Variants in USP4 observed in about 807,000 individuals in gnomAD.
USP4 encodes ubiquitin specific peptidase 4, also known as ubiquitin carboxyl-terminal hydrolase 4.
USP4 carries 72 observed loss-of-function variants against 118.2 expected under a neutral mutation model. The observed-to-expected ratio is 0.61, with a 90% CI of 0.50 to 0.74. USP4 has a LOEUF of 0.74. Among genes scored for constraint, USP4 ranks in the 30% least tolerant of loss-of-function variants. The pLI is 0.00. For synonymous variants in USP4, 415 were observed against 440.4 expected, an observed-to-expected ratio of 0.94 and a Z score of 0.72; for missense variants, 1,037 against 1,185.7, an observed-to-expected ratio of 0.87 and a Z score of 1.84.
chr3:49,292,596 C>A lies in USP4; in HGVS notation c.1886G>T (p.Arg629Leu), dbSNP rs771051592. The change falls in exon 15 of 22, where the codon CGC (arginine) becomes CTC (leucine). Residue 629 changes from arginine (R) to leucine (L), a missense_variant and splice_region_variant. Arg to Leu is a moderately radical substitution (Grantham distance 102). Transcript: ENST00000265560. Reference protein sequence around the residue: ...LYQAVCDRISRYVKQPLPDEF... With the variant: ...LYQAVCDRISLYVKQPLPDEF... Reference sequence around the variant, plus strand: ...ATCAGGTAAAGGCTGTTTCACATAGCGGCTTCAAAAAGAGAAAAAGAGAAG... The same window carrying A: ...ATCAGGTAAAGGCTGTTTCACATAGAGGCTTCAAAAAGAGAAAAAGAGAAG... 1.9e-6 allele frequency: 3 copies of A among 1,575,640 alleles called. No individual in the cohort carries two copies. In the South Asian group the frequency reaches 3.5e-5, roughly 19 times the overall value.
At chr3:49,287,088 A>T (rs1449909833) in intron 15 of USP4, among the ~76,000 whole-genome samples, 1 of 151,998 alleles carries the variant, frequency 6.6e-6, no homozygotes, top group Non-Finnish European at 1.5e-5. Context: ...CTGACCTCAG[A>T]TGATCCACCG....
chr3:49,292,554 G>A lies in USP4; in HGVS notation c.1928C>T (p.Pro643Leu), dbSNP rs375163038. The A allele has an allele frequency of 2.6e-5, 42 of 1,601,266 alleles. No homozygotes were observed. The African/African-American group carries it at 4.3e-4, about 16-fold the overall frequency. Reference protein sequence around the residue: ...QPLPDEFGSSPLEPGACNGSR... With the variant: ...QPLPDEFGSSLLEPGACNGSR... ...GCCATTGCAGGCCCCTGGCTCCAAG[G>A]GTGAGCTGCCAAACTCATCAGGTAA... The change falls in exon 15 of 22, where the codon CCC becomes CTC. Residue 643 changes from proline to leucine, a missense_variant. By Grantham distance (98) the Pro-to-Leu change is moderately conservative. This residue lies in a region of USP4 where 522 missense variants were observed against 592.6 expected (regional missense o/e 0.88). Transcript: ENST00000265560.
chr3:49,279,869 A>G (rs2046999199), intron 20 of USP4, among the ~76,000 whole-genome samples: 2 of 152,202 alleles, frequency 1.3e-5, no homozygotes, highest in South Asian at 4.1e-4. Flanking sequence ...TGTAGGCCCA[A>G]TGTGGACCCT....
chr3:49,303,174 C>T (rs116526646), intron 9 of USP4, among the ~76,000 whole-genome samples: 2,148 of 152,236 alleles, frequency 0.014, 54 homozygotes, highest in African/African-American at 0.048. Context: ...GGCACGGTGG[C>T]TCATGCCTAT....
chr3:49,311,874 C>T (rs2047386147), intron 6 of USP4: 8 of 1,217,196 alleles, frequency 6.6e-6, no homozygotes, highest in Non-Finnish European at 8.3e-6. Context: ...ACCACATACC[C>T]TTTCAGTGTG....
chr3:49,301,416 G>A (rs554045881), intron 10 of USP4, among the ~76,000 whole-genome samples: 50 of 152,246 alleles, frequency 3.3e-4, no homozygotes, highest in African/African-American at 1.1e-3. Flanking sequence ...GGCGGGGCAC[G>A]GTGGCTGACG....
intron 2 of USP4, among the ~76,000 whole-genome samples, chr3:49,330,655 C>T (rs1315186120): frequency 2.0e-5 from 3 of 151,936 alleles, no homozygotes; most frequent in Non-Finnish European, 4.4e-5. Context: ...ATAAGATTAG[C>T]TCAGTGCTTT....
Position 49,284,021 on chromosome 3 carries a change from C to T in USP4, c.2506G>A (p.Asp836Asn), listed in dbSNP as rs1278014419. 4 of 1,614,266 alleles carry T rather than the reference C, an allele frequency of 2.5e-6. No homozygotes were observed. The highest frequency in any genetic ancestry group is 3.4e-6 in the Non-Finnish European group (4 of 1,180,052). ...AATTCTACGACTGTGTCGAGCTTAT[C>T]CCTCCAGTATCTGTTGTAGGAGAAA... Reference protein sequence around the residue: ...KRFSYNRYWRDKLDTVVEFPI... With the variant: ...KRFSYNRYWRNKLDTVVEFPI... Residue 836 changes from aspartate (D) to asparagine (N), a missense_variant, in exon 19 of 22, where the codon GAT becomes AAT. Physicochemically the swap from Asp to Asn is conservative, Grantham distance 23 (BLOSUM62 1). This residue lies in a region of USP4 where 522 missense variants were observed against 592.6 expected (regional missense o/e 0.88). Transcript: ENST00000265560.
intron 6 of USP4, 61 bp downstream of exon 6, chr3:49,324,641 T>A (rs1446568561): frequency 6.7e-7 from 1 of 1,485,884 alleles, no homozygotes; most frequent in Non-Finnish European, 9.4e-7. Flanking sequence ...AGTACTGCCT[T>A]AGGAAAGACT....
chr3:49,280,754 C>A lies in USP4; in HGVS notation c.2634G>T (p.Gly878=). The A allele has an allele frequency of 2.5e-6, 4 of 1,613,920 alleles. No individual in the cohort carries two copies. The highest frequency in any genetic ancestry group is 3.4e-6 in the Non-Finnish European group (4 of 1,179,896). ...GATGTCAATACTTACAGTGGCCAAC[C>A]CCCATGGCTCCATAATGATTGGACA... ...IAVSNHYGAM[G]VGHYTAYAKN... is the part of the protein sequence containing the mutation. Residue 878 remains glycine (G), a synonymous_variant, in exon 20 of 22, where the codon GGG becomes GGT. Coordinates refer to ENST00000265560, the MANE Select transcript of USP4 (RefSeq NM_003363.4).
intron 15 of USP4, among the ~76,000 whole-genome samples, chr3:49,291,948 T>C (rs377583189): frequency 6.6e-6 from 1 of 151,912 alleles, no homozygotes; most frequent in South Asian, 2.1e-4. Flanking sequence ...GCTGGGACTA[T>C]AGGTGCCCGC....
intron 12 of USP4, 139 bp downstream of exon 12, chr3:49,298,413 G>A (rs2107777674): frequency 2.6e-6 from 2 of 770,792 alleles, no homozygotes; most frequent in Admixed American, 1.9e-5. Flanking sequence ...AGTGAGTGAG[G>A]CATCCAGACA....
chr3:49,330,718 T>TGGAGGCC (rs1185727861), intron 2 of USP4, among the ~76,000 whole-genome samples: 100 of 151,828 alleles, frequency 6.6e-4, no homozygotes, highest in Middle Eastern at 3.4e-3. Flanking sequence ...GGCTGGAGGC[T>TGGAGGCC]GGAGGCCGGA....
intron 2 of USP4, among the ~76,000 whole-genome samples, chr3:49,334,101 A>G (rs1045560601): frequency 2.0e-5 from 3 of 152,238 alleles, no homozygotes; most frequent in Non-Finnish European, 2.9e-5. Context: ...GAGAATTACC[A>G]AAATGTGGTA....
intron 13 of USP4, 65 bp from the exon 14 acceptor site, chr3:49,294,663 T>C: frequency 1.3e-6 from 2 of 1,496,138 alleles, no homozygotes; most frequent in East Asian, 2.3e-5. Flanking sequence ...AGATCTGAGC[T>C]GAAGCTATGT....
intron 8 of USP4, among the ~76,000 whole-genome samples, chr3:49,309,943 C>CTTTTTGTTTTTT (rs2047365979): frequency 2.5e-5 from 1 of 40,236 alleles, no homozygotes; most frequent in Admixed American, 4.6e-4. Flanking sequence ...TTTTTTTAAT[C>CTTTTTGTTTTTT]TTTTTTTTTT....
chr3:49,300,947 A>G (rs1028747244), intron 10 of USP4, among the ~76,000 whole-genome samples: 1 of 152,084 alleles, frequency 6.6e-6, no homozygotes, highest in African/African-American at 2.4e-5. Context: ...TATTTCAAAT[A>G]TATATTATAT....
chr3:49,317,923 C>CA (rs773711134), intron 6 of USP4, among the ~76,000 whole-genome samples: 24 of 151,824 alleles, frequency 1.6e-4, no homozygotes, highest in Admixed American at 1.1e-3. Context: ...GCAACCTCTG[C>CA]CTCCTGGGTT....
At chr3:49,285,728 T>C (rs1319313121) in intron 16 of USP4, among the ~76,000 whole-genome samples, 1 of 152,178 alleles carries the variant, frequency 6.6e-6, no homozygotes, top group Non-Finnish European at 1.5e-5. Flanking sequence ...ATCCTCTGAA[T>C]GGGTACATTT....
Sources: allele counts gnomAD v4.1 joint callset (sites outside exome capture counted in the v4.1 genomes callset), GRCh38; gene constraint gnomAD v4.1.1; regional missense constraint gnomAD v4.1.1; transcripts MANE v1.5; gene names NCBI Gene and HGNC (gene_info 2026-07-23, HGNC 2026-07-21).